Variants in PACS1 observed in about 807,000 individuals in gnomAD.
The protein encoded by PACS1 is PACS-1.
Under a neutral mutation model 115.0 loss-of-function variants are expected in PACS1, and 24 were observed. That is an observed-to-expected ratio of 0.21 (90% confidence interval 0.15 to 0.29). PACS1 has a LOEUF of 0.29. Ranked by LOEUF, PACS1 falls within the 10% of genes least tolerant of loss-of-function variation. The pLI, the probability that PACS1 is intolerant of heterozygous loss-of-function variation, is 1.00. For synonymous variants in PACS1, 453 were observed against 504.5 expected (o/e 0.90, Z 1.37); for missense variants, 838 against 1,251.2 (o/e 0.67, Z 4.98).
chr11:66,136,140 G>A (rs568672940), intron 1 of PACS1, among the ~76,000 whole-genome samples: 67 of 152,268 alleles, frequency 4.4e-4, no homozygotes, highest in Non-Finnish European at 8.2e-4. Flanking sequence ...ATGTGGCTAT[G>A]CTGCTGAGAC....
At position 66,234,230 on chromosome 11, in the gene PACS1, C is replaced by A; in HGVS notation, c.2092C>A (p.Pro698Thr). The A allele has an allele frequency of 6.2e-7, 1 of 1,612,180 alleles. No individual in the cohort carries two copies. The highest frequency in any genetic ancestry group is 8.5e-7 in the Non-Finnish European group (1 of 1,178,194). ...GWRDLFSRSE[P>T]PVSEQLDVAG... ...GAGAGATCTGTTCAGTCGCTCGGAG[C>A]CACCAGTGTCAGGTAATGGCCCCGT... The change falls in exon 17 of 24, where the codon CCA (proline) becomes ACA (threonine). Residue 698 changes from proline to threonine, a missense_variant. Physicochemically the swap from Pro to Thr is conservative, Grantham distance 38. Transcript: ENST00000320580.
In PACS1 at chr11:66,240,568, G is replaced by A. The variant is rs1057311809; in HGVS notation, c.2430-859G>A. ...TGGTCTCCCTCAGCCTCTGCTCCTC[G>A]GGGCACTTCCCTTCAGGGTCTTCTG... On this transcript the variant is annotated intron_variant, in intron 21 of 23. Coordinates refer to ENST00000320580, the MANE Select transcript of PACS1 (RefSeq NM_018026.4). Among the ~76,000 whole-genome samples the A allele has an allele frequency of 2.0e-5, 3 of 152,048 alleles. No individual in the cohort carries two copies. The South Asian group carries it at 6.2e-4, about 32-fold the overall frequency.
chr11:66,093,554 G>A (rs1857712398), intron 1 of PACS1, among the ~76,000 whole-genome samples: 12 of 143,566 alleles, frequency 8.4e-5, no homozygotes, highest in African/African-American at 3.2e-4. Context: ...AGCAAGTCCT[G>A]AGTGACCTAC....
intron 1 of PACS1, among the ~76,000 whole-genome samples, chr11:66,094,668 AGGAG>A (rs1432425699): frequency 1.3e-5 from 2 of 152,248 alleles, no homozygotes; most frequent in Non-Finnish European, 2.9e-5. Flanking sequence ...TCAACAGAAA[AGGAG>A]GGAATCCTCC....
chr11:66,114,745 A>G (rs2134550838), intron 1 of PACS1, among the ~76,000 whole-genome samples: 1 of 152,312 alleles, frequency 6.6e-6, no homozygotes, highest in East Asian at 1.9e-4. Context: ...TTTCAGAAGA[A>G]AAAGTTGAAT....
At chr11:66,114,726 A>C (rs1348630028) in intron 1 of PACS1, among the ~76,000 whole-genome samples, 2 of 152,176 alleles carry the variant, frequency 1.3e-5, no homozygotes, top group Non-Finnish European at 2.9e-5. Flanking sequence ...AACTACACTG[A>C]AAACTTTGTT....
At chr11:66,154,592 AT>A (rs1487452837) in intron 1 of PACS1, among the ~76,000 whole-genome samples, 4 of 152,240 alleles carry the variant, frequency 2.6e-5, no homozygotes, top group African/African-American at 4.8e-5. Context: ...TGGAAAAAAA[AT>A]TTTAAGTATA....
chr11:66,141,909 G>A (rs990328527), intron 1 of PACS1, among the ~76,000 whole-genome samples: 6 of 151,910 alleles, frequency 3.9e-5, no homozygotes, highest in South Asian at 2.1e-4. Context: ...GGGTTCAAGC[G>A]ATTCTCCTGC....
chr11:66,122,482 A>G (rs1395445420), intron 1 of PACS1, among the ~76,000 whole-genome samples: 1 of 152,226 alleles, frequency 6.6e-6, no homozygotes, highest in Non-Finnish European at 1.5e-5. Context: ...TAGCTGCCAT[A>G]GGTAGTGATT....
intron 1 of PACS1, among the ~76,000 whole-genome samples, chr11:66,139,134 C>T (rs1312900794): frequency 6.6e-6 from 1 of 152,056 alleles, no homozygotes; most frequent in African/African-American, 2.4e-5. Context: ...CTACTGTTTA[C>T]CTTTAGTTTT....
At chr11:66,241,392 A>G (rs1339656297) in intron 21 of PACS1, 35 bp from the exon 22 acceptor site, 1 of 1,514,426 alleles carries the variant, frequency 6.6e-7, no homozygotes, top group Non-Finnish European at 9.0e-7. Context: ...AGCTGAAGGC[A>G]GAGCTGACCT....
At chr11:66,118,705 T>C (rs1417661018) in intron 1 of PACS1, among the ~76,000 whole-genome samples, 1 of 130,764 alleles carries the variant, frequency 7.6e-6, no homozygotes, top group Non-Finnish European at 1.5e-5. Context: ...AGTGGACCAA[T>C]CACCTGAGCT....
At chr11:66,213,510 G>A (rs1855125873) in intron 4 of PACS1, among the ~76,000 whole-genome samples, 3 of 152,332 alleles carry the variant, frequency 2.0e-5, no homozygotes, top group South Asian at 2.1e-4. Flanking sequence ...GGTACCAGGA[G>A]TGCCCATGTC....
chr11:66,217,366 C>T lies in PACS1; in HGVS notation c.978+591C>T, dbSNP rs112823799. 564 of 336,124 alleles carry T rather than the reference C, an allele frequency of 1.7e-3. 2 individuals are homozygous for T. The highest frequency in any genetic ancestry group is 2.9e-3 in the Non-Finnish European group (482 of 168,984). The allele number at this position is 336,124 out of a possible 1,614,324, so 20.8% of individuals were successfully genotyped here. A position where few individuals can be genotyped will look rare whatever the true frequency, so the allele number is the denominator to read the frequency against. On this transcript the variant is annotated intron_variant, in intron 7 of 23. Coordinates refer to ENST00000320580, the MANE Select transcript of PACS1 (RefSeq NM_018026.4). ...GACATTTGAGTCCTGAACTAAGAAG[C>T]TAAAAACCTGAATTCCTAGGTGGTC...
chr11:66,155,105 C>T (rs1485051614), intron 1 of PACS1, among the ~76,000 whole-genome samples: 1 of 152,174 alleles, frequency 6.6e-6, no homozygotes, highest in East Asian at 1.9e-4. Context: ...AAACATTAAC[C>T]CATACCTTAT....
intron 1 of PACS1, among the ~76,000 whole-genome samples, chr11:66,103,123 G>T (rs184039319): frequency 3.3e-5 from 5 of 152,328 alleles, no homozygotes; most frequent in African/African-American, 1.2e-4. Context: ...GAGCCACCAA[G>T]CCTGGCCAAC....
intron 1 of PACS1, among the ~76,000 whole-genome samples, chr11:66,175,698 G>A (rs1859841749): frequency 6.6e-6 from 1 of 152,190 alleles, no homozygotes; most frequent in Non-Finnish European, 1.5e-5. Context: ...TACTTCTGGA[G>A]CCAGGGTGGT....
intron 1 of PACS1, among the ~76,000 whole-genome samples, chr11:66,156,204 TTATATATATATATATATATATATATATA>T (rs61270162): frequency 4.8e-4 from 41 of 85,062 alleles, no homozygotes; most frequent in Admixed American, 1.1e-3. Flanking sequence ...ATTTTTTAAA[TTATATATATATATATATATATATATATA>T]TATATATATA....
chr11:66,176,118 T>C (rs12416771), intron 1 of PACS1, among the ~76,000 whole-genome samples: 21 of 152,202 alleles, frequency 1.4e-4, no homozygotes, highest in Admixed American at 1.3e-3. Flanking sequence ...AGTGGATACA[T>C]GTGCAGATTT....
Sources: allele counts gnomAD v4.1 joint callset (sites outside exome capture counted in the v4.1 genomes callset), GRCh38; gene constraint gnomAD v4.1.1; transcripts MANE v1.5; gene names NCBI Gene and HGNC (gene_info 2026-07-23, HGNC 2026-07-21).